PLCG2: variants seen among roughly 807,000 people sequenced by gnomAD.
PLCG2 encodes phospholipase C gamma 2, also known as 1-phosphatidylinositol 4,5-bisphosphate phosphodiesterase gamma-2.
In PLCG2, 69 loss-of-function variants were observed where a neutral mutation model predicts 175.6. The ratio of observed to expected loss-of-function variants is 0.39; its 90% CI spans 0.32 to 0.48. The LOEUF (loss-of-function observed/expected upper bound fraction) is 0.48, where lower values mean the gene tolerates loss of function less well. Among genes scored for constraint, PLCG2 ranks in the 20% least tolerant of loss-of-function variants. The pLI is 0.91. For synonymous variants in PLCG2, 827 were observed against 624.0 expected (o/e 1.33, Z -4.85); for missense variants, 1,798 against 1,650.9 (o/e 1.09, Z -1.54).
chr16:81,855,442 G>A (rs1297830343), intron 3 of PLCG2, among the ~76,000 whole-genome samples: 1 of 152,198 alleles, frequency 6.6e-6, no homozygotes. Context: ...AGACCAAAGT[G>A]GGTGAGGCAG....
At chr16:81,875,787 G>A (rs1323284760) in intron 7 of PLCG2, among the ~76,000 whole-genome samples, 4 of 152,166 alleles carry the variant, frequency 2.6e-5, no homozygotes, top group Non-Finnish European at 4.4e-5. Flanking sequence ...TGAGAAGGCT[G>A]CTAACGTATC....
chr16:81,949,762 G>A (rs1391659306), intron 31 of PLCG2, among the ~76,000 whole-genome samples: 1 of 151,904 alleles, frequency 6.6e-6, no homozygotes, highest in Non-Finnish European at 1.5e-5. Context: ...TTTTTGAATT[G>A]GAAGAAATAT....
intron 32 of PLCG2, among the ~76,000 whole-genome samples, chr16:81,957,362 T>C (rs1911616851): frequency 1.3e-5 from 2 of 152,198 alleles, no homozygotes; most frequent in African/African-American, 4.8e-5. Flanking sequence ...CTCTTTGTTC[T>C]AGAAATTAAC....
intron 2 of PLCG2, among the ~76,000 whole-genome samples, chr16:81,835,099 G>C (rs970810889): frequency 2.0e-5 from 3 of 152,086 alleles, no homozygotes; most frequent in Non-Finnish European, 4.4e-5. Flanking sequence ...TACTTGGTTT[G>C]GTGTCAGCTC....
intron 2 of PLCG2, among the ~76,000 whole-genome samples, chr16:81,817,469 C>T (rs1425386219): frequency 1.3e-5 from 2 of 152,204 alleles, no homozygotes; most frequent in African/African-American, 2.4e-5. Context: ...TTGAGGGGTG[C>T]TGCGCAAGGC....
At chr16:81,872,651 G>C (rs1034662615) in intron 7 of PLCG2, among the ~76,000 whole-genome samples, 1 of 152,254 alleles carries the variant, frequency 6.6e-6, no homozygotes, top group South Asian at 2.1e-4. Context: ...TGCTGTTGTT[G>C]CTGTCAGGAA....
intron 9 of PLCG2, among the ~76,000 whole-genome samples, chr16:81,885,159 TG>T (rs1908295906): frequency 6.6e-6 from 1 of 152,092 alleles, no homozygotes; most frequent in Non-Finnish European, 1.5e-5. Flanking sequence ...CCCAAGTAGC[TG>T]GGATTGCAGG....
intron 31 of PLCG2, among the ~76,000 whole-genome samples, chr16:81,949,019 C>G (rs12444401): frequency 0.52 from 79,430 of 152,050 alleles, 24,947 homozygotes; most frequent in South Asian, 0.69. Flanking sequence ...GAGAATAGAC[C>G]TGATTTGTTG....
In PLCG2 at chr16:81,960,376, A is replaced by G. The variant is rs150007071; in HGVS notation, c.*2378A>G. 113 of 220,180 alleles carry G rather than the reference A, an allele frequency of 5.1e-4. 3 individuals are homozygous for G. The East Asian group carries it at 7.4e-3, about 14-fold the overall frequency. The allele number at this position is 220,180 out of a possible 1,614,324, so 13.6% of individuals were successfully genotyped here. ...AAGACTAGTAACAGGCACATTCTGAAAGATGGAAGCAGCACTGATAGATCA... is the reference window on the plus strand; with the variant it reads ...AAGACTAGTAACAGGCACATTCTGAGAGATGGAAGCAGCACTGATAGATCA... On this transcript the variant is annotated 3_prime_UTR_variant, in exon 33 of 33. Transcript: ENST00000564138.
chr16:81,743,518 G>A (rs993494248), intron 1 of PLCG2, among the ~76,000 whole-genome samples: 9 of 152,224 alleles, frequency 5.9e-5, no homozygotes, highest in African/African-American at 1.9e-4. Flanking sequence ...CGGAGCCAGA[G>A]GCCACAGTGG....
At chr16:81,864,910 G>A (rs527942829) in intron 5 of PLCG2, among the ~76,000 whole-genome samples, 5 of 152,254 alleles carry the variant, frequency 3.3e-5, no homozygotes, top group African/African-American at 1.2e-4. Context: ...CTCATTCAGG[G>A]AATAGTTGCC....
chr16:81,909,018 T>C (rs1477778796), intron 17 of PLCG2, among the ~76,000 whole-genome samples: 2 of 152,164 alleles, frequency 1.3e-5, no homozygotes, highest in Admixed American at 6.5e-5. Flanking sequence ...GGCTGTCCTT[T>C]TGAAGCCGTC....
chr16:81,742,801 C>T (rs894102909), intron 1 of PLCG2, among the ~76,000 whole-genome samples: 8 of 152,200 alleles, frequency 5.3e-5, no homozygotes, highest in African/African-American at 7.2e-5. Flanking sequence ...GCCAGACTTC[C>T]TCAGGTTCTG....
At position 81,858,357 on chromosome 16, in the gene PLCG2, G is replaced by T; in HGVS notation, c.431+1G>T. 1 of 1,611,048 alleles carries T rather than the reference G, an allele frequency of 6.2e-7. No homozygotes were observed. The highest frequency in any genetic ancestry group is 8.5e-7 in the Non-Finnish European group (1 of 1,177,248). ...CGTCCACGCCCACCATTATCGAGAG[G>T]TAGTTGGCTTTTGCCTGTTGATTTG... On this transcript the variant is annotated splice_donor_variant, in intron 4 of 32. Coordinates refer to ENST00000564138, the MANE Select transcript of PLCG2 (RefSeq NM_002661.5). LOFTEE classifies it high-confidence loss of function.
At chr16:81,867,582 A>G (rs1907304586) in intron 5 of PLCG2, among the ~76,000 whole-genome samples, 1 of 152,228 alleles carries the variant, frequency 6.6e-6, no homozygotes, top group Non-Finnish European at 1.5e-5. Context: ...ATAAGGCACC[A>G]CCTAGAACAA....
chr16:81,908,065 G>A (rs937497449), intron 16 of PLCG2, among the ~76,000 whole-genome samples: 4 of 152,196 alleles, frequency 2.6e-5, no homozygotes, highest in African/African-American at 9.6e-5. Flanking sequence ...CTTTCCTGTT[G>A]CCCTCTCCTC....
Position 81,939,878 on chromosome 16 carries a change from T to C in PLCG2, c.3314-14T>C. On this transcript the variant is annotated splice_polypyrimidine_tract_variant and intron_variant, in intron 29 of 32. Transcript: ENST00000564138. ...CTCCAATGTGGCCTCTCATGAGCTT[T>C]GATCTCCTTCCAGATGATAATGGCC... 1 of 1,605,318 alleles carries C rather than the reference T, an allele frequency of 6.2e-7. No homozygotes were observed. Among genetic ancestry groups the C allele is most frequent in the Non-Finnish European group, 8.5e-7 (1 of 1,172,172 alleles).
intron 31 of PLCG2, among the ~76,000 whole-genome samples, chr16:81,951,042 C>T (rs1019272942): frequency 6.6e-6 from 1 of 152,150 alleles, no homozygotes; most frequent in African/African-American, 2.4e-5. Flanking sequence ...GCCTGGAATA[C>T]AGTGGTGTGA....
At position 81,754,971 on chromosome 16, in the gene PLCG2, A is replaced by G. The variant is rs949358438; in HGVS notation, c.-144-899A>G. Among the ~76,000 whole-genome samples, 6 of 152,178 alleles carry G rather than the reference A, an allele frequency of 3.9e-5. No homozygotes were observed. In the East Asian group the frequency reaches 1.2e-3, roughly 29 times the overall value. Reference sequence around the variant, plus strand: ...GTGAGAGAACATTGGCAGAGGAAGAACCAGCTGTGTGTCCTTAGGCAAATT... The same window carrying G: ...GTGAGAGAACATTGGCAGAGGAAGAGCCAGCTGTGTGTCCTTAGGCAAATT... On this transcript the variant is annotated intron_variant, in intron 1 of 5. Transcript: ENST00000565054.
Sources: allele counts gnomAD v4.1 joint callset (sites outside exome capture counted in the v4.1 genomes callset), GRCh38; gene constraint gnomAD v4.1.1; transcripts MANE v1.5; gene names NCBI Gene and HGNC (gene_info 2026-07-23, HGNC 2026-07-21).